Variants in CSPP1 observed in about 807,000 individuals in gnomAD.
The protein encoded by CSPP1 is centrosome and spindle pole-associated protein 1.
CSPP1 carries 126 observed loss-of-function variants against 164.4 expected under a neutral mutation model. The observed-to-expected ratio is 0.77, with a 90% CI of 0.66 to 0.89. The LOEUF (loss-of-function observed/expected upper bound fraction) is 0.89. Ranked by LOEUF, CSPP1 falls within the 40% of genes least tolerant of loss-of-function variation. The pLI is 0.00. For missense variants in CSPP1, 1,395 were observed against 1,449.8 expected (o/e 0.96, Z 0.61); for synonymous variants, 472 against 476.7 (o/e 0.99, Z 0.13).
intron 13 of CSPP1, among the ~76,000 whole-genome samples, chr8:67,117,109 G>A (rs1462592477): frequency 6.6e-6 from 1 of 152,158 alleles, no homozygotes; most frequent in African/African-American, 2.4e-5. Flanking sequence ...TTGTAAAAGT[G>A]GAGTAGTATT....
At chr8:67,190,086 C>A (rs1463780505) in intron 28 of CSPP1, among the ~76,000 whole-genome samples, 4 of 151,978 alleles carry the variant, frequency 2.6e-5, no homozygotes, top group Non-Finnish European at 5.9e-5. Flanking sequence ...GTTCTATAAC[C>A]CAAAGAAATG....
chr8:67,086,395 T>C (rs1810412795), intron 4 of CSPP1, among the ~76,000 whole-genome samples: 1 of 152,098 alleles, frequency 6.6e-6, no homozygotes, highest in Non-Finnish European at 1.5e-5. Flanking sequence ...TTCTGTAAAG[T>C]TGTCATGGTT....
intron 16 of CSPP1, among the ~76,000 whole-genome samples, 175 bp from the exon 17 acceptor site, chr8:67,137,281 T>C (rs749559573): frequency 2.0e-4 from 30 of 152,150 alleles, no homozygotes; most frequent in South Asian, 4.1e-4. Context: ...TATTTTTACA[T>C]TGAGTATTAC....
chr8:67,099,961 A>G (rs535301270), intron 7 of CSPP1, among the ~76,000 whole-genome samples: 2 of 152,232 alleles, frequency 1.3e-5, no homozygotes, highest in South Asian at 4.1e-4. Context: ...GTAAACAGTA[A>G]TTCTTCCTTG....
At chr8:67,111,671 A>G (rs1816867316) in intron 9 of CSPP1, among the ~76,000 whole-genome samples, 1 of 152,096 alleles carries the variant, frequency 6.6e-6, no homozygotes, top group South Asian at 2.1e-4. Context: ...TAATGGAAAT[A>G]TTATTTAGAT....
At chr8:67,183,842 A>G (rs1176810636) in intron 28 of CSPP1, among the ~76,000 whole-genome samples, 1 of 141,066 alleles carries the variant, frequency 7.1e-6, no homozygotes, top group South Asian at 2.2e-4. Context: ...AAAAATTGGG[A>G]ATTTTTTTTT....
chr8:67,099,264 A>C (rs974108803), intron 7 of CSPP1: 6 of 152,094 alleles, frequency 3.9e-5, no homozygotes, highest in Non-Finnish European at 8.8e-5. Context: ...TGGTAAGTGA[A>C]CTTATATATT....
chr8:67,157,055 G>A (rs1246557459), intron 19 of CSPP1, among the ~76,000 whole-genome samples: 1 of 152,066 alleles, frequency 6.6e-6, no homozygotes, highest in Non-Finnish European at 1.5e-5. Flanking sequence ...AGTGACCCCT[G>A]TGAATGTGAT....
intron 7 of CSPP1, among the ~76,000 whole-genome samples, chr8:67,100,788 AATATAT>A (rs111484403): frequency 1.4e-5 from 2 of 146,888 alleles, no homozygotes; most frequent in African/African-American, 4.9e-5. Context: ...ATTATTAAAG[AATATAT>A]ATATATATAT....
chr8:67,113,915 A>G (rs1817401470), intron 11 of CSPP1, 53 bp downstream of exon 11: 1 of 1,070,714 alleles, frequency 9.3e-7, no homozygotes, highest in Non-Finnish European at 1.4e-6. Context: ...ATGATCCTCA[A>G]ATGTGGTGGC....
chr8:67,154,513 C>T (rs1030135570), intron 19 of CSPP1, among the ~76,000 whole-genome samples: 59 of 152,130 alleles, frequency 3.9e-4, no homozygotes, highest in Admixed American at 3.7e-3. Context: ...ACTACAGGTG[C>T]CTGCCACCAC....
intron 17 of CSPP1, among the ~76,000 whole-genome samples, chr8:67,149,072 G>A (rs1050980867): frequency 1.3e-4 from 20 of 152,142 alleles, no homozygotes; most frequent in African/African-American, 2.4e-5. Context: ...GATGGGGACT[G>A]TAAGATTCAT....
At chr8:67,119,749 G>A (rs1374794784) in intron 15 of CSPP1, among the ~76,000 whole-genome samples, 1 of 151,870 alleles carries the variant, frequency 6.6e-6, no homozygotes, top group East Asian at 1.9e-4. Flanking sequence ...TTTGTTTTTT[G>A]TTGTTGAGTT....
intron 3 of CSPP1, 133 bp from the exon 4 acceptor site, chr8:67,085,874 G>A: frequency 1.7e-6 from 1 of 598,480 alleles, no homozygotes; most frequent in Non-Finnish European, 3.0e-6. Flanking sequence ...GACATTTTAA[G>A]TAAAAAACTT....
intron 15 of CSPP1, among the ~76,000 whole-genome samples, chr8:67,130,323 T>G (rs1379130736): frequency 6.6e-6 from 1 of 152,182 alleles, no homozygotes; most frequent in Non-Finnish European, 1.5e-5. Context: ...AGAATTTGGG[T>G]CTGTGAGTAT....
rs747312980 is a variant in CSPP1, at chr8:67,116,025, T to C, written c.1399T>C (p.Ser467Pro). The C allele has an allele frequency of 6.2e-7, 1 of 1,614,076 alleles. No individual in the cohort carries two copies. Among genetic ancestry groups the C allele is most frequent in the Non-Finnish European group, 8.5e-7 (1 of 1,179,946 alleles). Residue 467 changes from serine to proline, a missense_variant, in exon 13 of 31, where the codon TCT becomes CCT. Transcript: ENST00000678616. ...ACCTCTCCCTCCTTTATCTGCCCCA[T>C]CTGTCCCACCCATCCCATCAGTTCA... ...QTPLPPLSAP[S>P]VPPIPSVHPV... is the part of the protein sequence containing the mutation.
chr8:67,086,240 C>G (rs751209938), intron 4 of CSPP1, 130 bp downstream of exon 4: 18 of 750,308 alleles, frequency 2.4e-5, no homozygotes, highest in Middle Eastern at 2.7e-4. Flanking sequence ...GTAGTATAGT[C>G]AAAGTTAAGT....
At chr8:67,095,031 A>G (rs926527554) in intron 6 of CSPP1, among the ~76,000 whole-genome samples, 1 of 152,200 alleles carries the variant, frequency 6.6e-6, no homozygotes, top group Non-Finnish European at 1.5e-5. Flanking sequence ...TTTGTTGCAT[A>G]GTAATGTTCC....
At chr8:67,072,810 G>A (rs1440968233) in intron 1 of CSPP1, among the ~76,000 whole-genome samples, 3 of 148,494 alleles carry the variant, frequency 2.0e-5, no homozygotes, top group African/African-American at 7.5e-5. Flanking sequence ...AAGGCTGAAG[G>A]TGTACTATGA....
Sources: allele counts gnomAD v4.1 joint callset (sites outside exome capture counted in the v4.1 genomes callset), GRCh38; gene constraint gnomAD v4.1.1; transcripts MANE v1.5; gene names NCBI Gene and HGNC (gene_info 2026-07-23, HGNC 2026-07-21).